Variants in KLF12 observed in about 807,000 individuals in gnomAD.
The protein encoded by KLF12 is KLF transcription factor 12, also known as Krueppel-like factor 12.
A neutral mutation model predicts 37.8 loss-of-function variants in KLF12; 9 were observed. The ratio of observed to expected loss-of-function variants is 0.24; its 90% CI spans 0.14 to 0.42. The LOEUF is 0.42. Ranked by LOEUF, KLF12 falls within the 10% of genes least tolerant of loss-of-function variation. The pLI is 1.00. For missense variants in KLF12, 411 were observed against 516.0 expected (o/e 0.80, Z 1.97); for synonymous variants, 208 against 202.1 (o/e 1.03, Z -0.25).
the KLF12 span, among the ~76,000 whole-genome samples, chr13:74,265,589 G>A: frequency 0.038 from 5,809 of 152,212 alleles, 128 homozygotes; most frequent in Middle Eastern, 0.071. Flanking sequence ...TGTTATAGAA[G>A]AATGGCACTG....
intron 2 of KLF12, among the ~76,000 whole-genome samples, chr13:73,961,299 AT>A (rs1339187266): frequency 2.6e-5 from 4 of 152,188 alleles, no homozygotes; most frequent in African/African-American, 4.8e-5. Context: ...TCTTAAAAAA[AT>A]CTTTCCGGTT....
chr13:74,022,744 C>T (rs1444878859), intron 1 of KLF12, among the ~76,000 whole-genome samples: 1 of 151,968 alleles, frequency 6.6e-6, no homozygotes, highest in Non-Finnish European at 1.5e-5. Flanking sequence ...CCACTCCAAC[C>T]CCCCCAACAT....
the KLF12 span, among the ~76,000 whole-genome samples, chr13:74,166,178 G>T: frequency 7.2e-6 from 1 of 139,176 alleles, no homozygotes; most frequent in African/African-American, 2.7e-5. Context: ...CTGCAGCCTT[G>T]ACTTCCCAGG....
Position 73,715,535 on chromosome 13 carries a change from G to T in KLF12, c.870-10C>A, listed in dbSNP as rs1021691637. ...AAATGGTGAAATTGAACTGGAAAAA[G>T]AAAAAGTGGAGTTACACGGTGAGAT... On this transcript the variant is annotated splice_polypyrimidine_tract_variant and intron_variant, in intron 6 of 7. Coordinates refer to ENST00000377669, the MANE Select transcript of KLF12 (RefSeq NM_007249.5). 86 of 1,611,724 alleles carry T rather than the reference G, an allele frequency of 5.3e-5. No individual in the cohort carries two copies. The highest frequency in any genetic ancestry group is 7.2e-5 in the Non-Finnish European group (85 of 1,179,134).
intron 1 of KLF12, among the ~76,000 whole-genome samples, chr13:74,042,650 T>C (rs181948614): frequency 6.6e-6 from 1 of 152,158 alleles, no homozygotes; most frequent in Non-Finnish European, 1.5e-5. Flanking sequence ...TTGCCGAGTC[T>C]TAACATCAAT....
rs1874060588 is a variant in KLF12, at chr13:73,695,291, T to C, written c.*199A>G. 5.3e-6 allele frequency: 3 copies of C among 564,740 alleles called. No individual in the cohort carries two copies. In the East Asian group the frequency reaches 8.6e-5, roughly 16 times the overall value. 35.0% of individuals were successfully genotyped at this position (564,740 alleles called of 1,614,324 possible). A position where few individuals can be genotyped will look rare whatever the true frequency, so the allele number is the denominator to read the frequency against. Reference sequence around the variant, plus strand: ...ATGTCACTGAGCTCCCAGGCCCGGGTAAAGACGGTTCTCGTCTAGTCATGA... The same window carrying C: ...ATGTCACTGAGCTCCCAGGCCCGGGCAAAGACGGTTCTCGTCTAGTCATGA... On this transcript the variant is annotated 3_prime_UTR_variant, in exon 8 of 8. Transcript: ENST00000377669.
chr13:73,973,923 A>G (rs1214650707), intron 2 of KLF12, among the ~76,000 whole-genome samples: 1 of 152,154 alleles, frequency 6.6e-6, no homozygotes, highest in Non-Finnish European at 1.5e-5. Flanking sequence ...CCAATAAAAC[A>G]TACCGGAGAC....
intron 1 of KLF12, among the ~76,000 whole-genome samples, chr13:74,086,166 T>C (rs1415045721): frequency 2.0e-5 from 3 of 151,852 alleles, no homozygotes; most frequent in African/African-American, 7.3e-5. Flanking sequence ...ACGTGCACAA[T>C]GTGCAGGTTA....
At chr13:74,006,161 C>G (rs1892403466) in intron 1 of KLF12, among the ~76,000 whole-genome samples, 1 of 152,178 alleles carries the variant, frequency 6.6e-6, no homozygotes, top group African/African-American at 2.4e-5. Flanking sequence ...TTTATCCACT[C>G]CCTCTCCGCC....
At chr13:73,777,823 T>C (rs11843909) in intron 5 of KLF12, among the ~76,000 whole-genome samples, 3,445 of 151,542 alleles carry the variant, frequency 0.023, 128 homozygotes, top group African/African-American at 0.076. Context: ...CCTCCCTTAC[T>C]CTGTCTTTTT....
the KLF12 span, among the ~76,000 whole-genome samples, chr13:74,140,260 CACTT>C: frequency 6.6e-6 from 1 of 152,178 alleles, no homozygotes; most frequent in Non-Finnish European, 1.5e-5. Flanking sequence ...CAATGGCTCA[CACTT>C]ACAGGCTCAA....
At chr13:73,774,319 T>TAG (rs1880461421) in intron 5 of KLF12, among the ~76,000 whole-genome samples, 1 of 151,452 alleles carries the variant, frequency 6.6e-6, no homozygotes, top group Non-Finnish European at 1.5e-5. Flanking sequence ...TATATATATA[T>TAG]ATAGATTATA....
chr13:73,973,715 A>C (rs1356356568), intron 2 of KLF12, among the ~76,000 whole-genome samples: 2 of 152,154 alleles, frequency 1.3e-5, no homozygotes, highest in Admixed American at 1.3e-4. Flanking sequence ...AGCACAGGAC[A>C]AAAAGGAAGT....
At position 73,845,824 on chromosome 13, in the gene KLF12, T is replaced by C. The variant is rs1389683492; in HGVS notation, c.670+3A>G. 1 of 1,611,458 alleles carries C rather than the reference T, an allele frequency of 6.2e-7. No individual in the cohort carries two copies. The highest frequency in any genetic ancestry group is 8.5e-7 in the Non-Finnish European group (1 of 1,178,302). ...TAAATCAAGGCTTGTTTATGTCTCT[T>C]ACCTTTGCCATGGCCTCTCCCATCC... On this transcript the variant is annotated splice_donor_region_variant and intron_variant, in intron 4 of 7. Coordinates refer to ENST00000377669, the MANE Select transcript of KLF12 (RefSeq NM_007249.5).
the KLF12 span, among the ~76,000 whole-genome samples, chr13:74,142,326 T>C: frequency 6.6e-6 from 1 of 152,208 alleles, no homozygotes; most frequent in Admixed American, 6.5e-5. Flanking sequence ...TCCCAAAATA[T>C]AAGCTGCGTT....
the KLF12 span, among the ~76,000 whole-genome samples, chr13:74,273,782 A>C: frequency 2.0e-5 from 3 of 152,120 alleles, no homozygotes; most frequent in Non-Finnish European, 4.4e-5. Flanking sequence ...AAAGGAGTTC[A>C]AATAGTACAA....
chr13:73,715,646 A>G, intron 6 of KLF12, 121 bp from the exon 7 acceptor site: 1 of 953,042 alleles, frequency 1.0e-6, no homozygotes. Flanking sequence ...CCATGACCAC[A>G]GTTCTTGCTA....
intron 3 of KLF12, among the ~76,000 whole-genome samples, chr13:73,909,028 TACAGAGATCGCCCTTCTCCAG>T (rs1485783354): frequency 6.6e-6 from 1 of 152,186 alleles, no homozygotes; most frequent in African/African-American, 2.4e-5. Flanking sequence ...ATAAAGACCA[TACAGAGATCGCCCTTCTCCAG>T]TAGTGCTCAC....
intron 3 of KLF12, among the ~76,000 whole-genome samples, chr13:73,878,469 G>C (rs1047178029): frequency 1.3e-5 from 2 of 152,144 alleles, no homozygotes; most frequent in Non-Finnish European, 2.9e-5. Flanking sequence ...TGCAAAGGAA[G>C]TACAAACTTT....
Sources: gnomAD v4.1 joint callset for allele counts (sites outside exome capture counted in the v4.1 genomes callset) on GRCh38, gnomAD v4.1.1 for gene constraint, MANE v1.5 for transcripts, NCBI Gene and HGNC (gene_info 2026-07-23, HGNC 2026-07-21) for gene names.